Variants in CFH observed in about 807,000 individuals in gnomAD.
The protein encoded by CFH is complement factor H.
A neutral mutation model predicts 147.3 loss-of-function variants in CFH; 53 were observed. That is an observed-to-expected ratio of 0.36 (90% CI 0.29 to 0.45). The LOEUF (loss-of-function observed/expected upper bound fraction) is 0.45. Ranked by LOEUF, CFH falls within the 20% of genes least tolerant of loss-of-function variation. The probability of loss-of-function intolerance (pLI) is 1.00; values close to 1 mark genes in which losing one functional copy is unlikely to be tolerated. For synonymous variants in CFH, 536 were observed against 489.4 expected, an observed-to-expected ratio of 1.10 and a Z score of -1.26; for missense variants, 1,380 against 1,498.0, an observed-to-expected ratio of 0.92 and a Z score of 1.30.
chr1:196,715,764 G>T lies in CFH; in HGVS notation c.1691G>T (p.Cys564Phe). The T allele has an allele frequency of 1.2e-6, 2 of 1,609,730 alleles. No individual in the cohort carries two copies. The highest frequency in any genetic ancestry group is 1.7e-6 in the Non-Finnish European group (2 of 1,177,140). The change falls in exon 11 of 22, where the codon TGT becomes TTT. Residue 564 changes from cysteine (C) to phenylalanine (F), a missense_variant. Physicochemically the swap from Cys to Phe is radical, Grantham distance 205. Coordinates refer to ENST00000367429, the MANE Select transcript of CFH (RefSeq NM_000186.4). ...AATGGTTGGTCTGATTTACCCATAT[G>T]TTATGGTAAGTACTGGTTTTTCAGA... is the stretch of plus-strand genomic sequence containing the variant. ...GYNGWSDLPI[C>F]YERECELPKI...
intron 7 of CFH, 144 bp from the exon 8 acceptor site, chr1:196,689,276 T>C: frequency 1.4e-6 from 1 of 709,816 alleles, no homozygotes; most frequent in Non-Finnish European, 2.3e-6. Context: ...CTGAGTTCTA[T>C]CATTTGTTTT....
intron 11 of CFH, 68 bp from the exon 12 acceptor site, chr1:196,725,053 C>T (rs1669103258): frequency 3.8e-6 from 5 of 1,329,808 alleles, no homozygotes; most frequent in Non-Finnish European, 5.3e-6. Context: ...TTTATTGTGG[C>T]ATATGTAAAA....
intron 1 of CFH, among the ~76,000 whole-genome samples, chr1:196,670,536 T>C (rs1667242029): frequency 6.6e-6 from 1 of 152,196 alleles, no homozygotes; most frequent in East Asian, 1.9e-4. Context: ...GCATCTGGCA[T>C]TTCCCCTGTT....
chr1:196,671,106 T>G (rs1490628639), intron 1 of CFH, among the ~76,000 whole-genome samples: 1 of 152,148 alleles, frequency 6.6e-6, no homozygotes, highest in Non-Finnish European at 1.5e-5. Flanking sequence ...TCTGACAAGT[T>G]GTTATTTCTG....
At chr1:196,666,729 G>C (rs147870758) in intron 1 of CFH, among the ~76,000 whole-genome samples, 1 of 150,604 alleles carries the variant, frequency 6.6e-6, no homozygotes, top group Non-Finnish European at 1.5e-5. Context: ...GGAGAATGGC[G>C]TGAACCCAGG....
At chr1:196,740,445 A>G (rs1652771864) in intron 17 of CFH, among the ~76,000 whole-genome samples, 174 bp from the exon 18 acceptor site, 1 of 152,182 alleles carries the variant, frequency 6.6e-6, no homozygotes, top group African/African-American at 2.4e-5. Flanking sequence ...TGACAGTCCG[A>G]TAGACAGACA....
intron 9 of CFH, among the ~76,000 whole-genome samples, chr1:196,692,779 T>TC (rs1668097158): frequency 2.8e-5 from 3 of 105,318 alleles, no homozygotes; most frequent in African/African-American, 1.2e-4. Flanking sequence ...TCTTTCTTTC[T>TC]TTCTTTCTTT....
In CFH at chr1:196,679,743, G is replaced by A; in HGVS notation, c.740G>A (p.Gly247Glu). The A allele has an allele frequency of 6.2e-7, 1 of 1,611,818 alleles. No individual in the cohort carries two copies. Among genetic ancestry groups the A allele is most frequent in the Non-Finnish European group, 8.5e-7 (1 of 1,178,524 alleles). The change falls in exon 6 of 22, where the codon GGA becomes GAA. Residue 247 changes from glycine to glutamate, a missense_variant. Around this residue, in one of 4 missense-constraint regions of CFH, gnomAD observed 167 missense variants for 228.0 expected, o/e 0.73. Transcript: ENST00000367429. The stretch of plus-strand genomic sequence containing the variant: ...ATGGGTTATGAATACAGTGAAAGAG[G>A]AGATGCTGTATGCACTGAATCTGGA... ...CNMGYEYSER[G>E]DAVCTESGWR...
rs746858289 is a variant in CFH, at chr1:196,673,945, G to T, written c.333G>T (p.Val111=). ...GNVFEYGVKA[V]YTCNEGYQLL... is the part of the protein sequence containing the mutation. ...TGTTTGAATATGGTGTAAAAGCTGT[G>T]TATACATGTAATGAGGGGTATGTAG... is the stretch of plus-strand genomic sequence containing the variant. The change falls in exon 3 of 22, where the codon GTG becomes GTT. Residue 111 remains valine, a synonymous_variant. Coordinates refer to ENST00000367429, the MANE Select transcript of CFH (RefSeq NM_000186.4). The T allele has an allele frequency of 1.9e-6, 3 of 1,611,082 alleles. No homozygotes were observed. The highest frequency in any genetic ancestry group is 2.5e-6 in the Non-Finnish European group (3 of 1,177,654).
chr1:196,683,704 C>T (rs16840422), intron 6 of CFH, among the ~76,000 whole-genome samples: 32,707 of 151,626 alleles, frequency 0.22, 4,697 homozygotes, highest in African/African-American at 0.4. Flanking sequence ...CACTTTACCA[C>T]TGAAGACTAA....
At chr1:196,743,382 T>G in intron 19 of CFH, 70 bp from the exon 20 acceptor site, 1 of 1,582,606 alleles carries the variant, frequency 6.3e-7, no homozygotes, top group Non-Finnish European at 8.7e-7. Context: ...AATATATTTG[T>G]AACTGTTATC....
chr1:196,702,758 A>G (rs1003259672), intron 9 of CFH, among the ~76,000 whole-genome samples: 1 of 152,242 alleles, frequency 6.6e-6, no homozygotes, highest in East Asian at 1.9e-4. Context: ...CTGACCTGGG[A>G]TGGAATATAA....
chr1:196,702,866 G>A (rs1668494849), intron 9 of CFH, among the ~76,000 whole-genome samples: 1 of 152,050 alleles, frequency 6.6e-6, no homozygotes, highest in Non-Finnish European at 1.5e-5. Context: ...GTAAGGTCCA[G>A]GATGGTCAAG....
intron 9 of CFH, among the ~76,000 whole-genome samples, chr1:196,708,521 C>G (rs1187408811): frequency 6.6e-6 from 1 of 151,994 alleles, no homozygotes; most frequent in Non-Finnish European, 1.5e-5. Flanking sequence ...CTTACTATGC[C>G]AAAAATATTT....
chr1:196,696,737 C>T lies in CFH; in HGVS notation c.1336+6498C>T, dbSNP rs935468171. Among the ~76,000 whole-genome samples, 12 of 152,182 alleles carry T rather than the reference C, an allele frequency of 7.9e-5. No individual in the cohort carries two copies. The South Asian group carries it at 2.3e-3, about 29-fold the overall frequency. ...AAAGAACAAAGCTGGAGGCATCATG[C>T]TACCTGACTTCAAACTATACTACAA... On this transcript the variant is annotated intron_variant, in intron 9 of 21. Coordinates refer to ENST00000367429, the MANE Select transcript of CFH (RefSeq NM_000186.4).
At chr1:196,665,046 C>T (rs181620765) in intron 1 of CFH, among the ~76,000 whole-genome samples, 6 of 151,440 alleles carry the variant, frequency 4.0e-5, no homozygotes, top group Admixed American at 2.0e-4. Context: ...TAAAATTGGT[C>T]AAAAAATAAT....
chr1:196,707,412 G>A (rs1558170350), intron 9 of CFH, among the ~76,000 whole-genome samples: 2 of 152,106 alleles, frequency 1.3e-5, no homozygotes, highest in African/African-American at 2.4e-5. Context: ...TACTATTCAC[G>A]AGTTTGTGGT....
At chr1:196,696,373 T>G (rs563503195) in intron 9 of CFH, among the ~76,000 whole-genome samples, 1 of 152,024 alleles carries the variant, frequency 6.6e-6, no homozygotes, top group Non-Finnish European at 1.5e-5. Context: ...GAGTAAATAT[T>G]GAAAGTAAGG....
chr1:196,742,025 G>C lies in CFH; in HGVS notation c.3107G>C (p.Arg1036Thr), dbSNP rs1160757371. The C allele has an allele frequency of 6.2e-7, 1 of 1,614,160 alleles. No homozygotes were observed. The highest frequency in any genetic ancestry group is 8.5e-7 in the Non-Finnish European group (1 of 1,180,028). ...GASNVTCINS[R>T]WTGRPTCRDT... ...AGTAATGTAACATGCATTAATAGCAGATGGACAGGAAGGCCAACATGCAGA... is the reference window on the plus strand; with the variant it reads ...AGTAATGTAACATGCATTAATAGCACATGGACAGGAAGGCCAACATGCAGA... The change falls in exon 19 of 22, where the codon AGA (arginine) becomes ACA (threonine). Residue 1036 changes from arginine to threonine, a missense_variant. Around this residue, in one of 4 missense-constraint regions of CFH, gnomAD observed 830 missense variants for 821.4 expected, o/e 1.01. Coordinates refer to ENST00000367429, the MANE Select transcript of CFH (RefSeq NM_000186.4).
Sources: gnomAD v4.1 joint callset for allele counts (sites outside exome capture counted in the v4.1 genomes callset) on GRCh38, gnomAD v4.1.1 for gene constraint, gnomAD v4.1.1 regional missense constraint, MANE v1.5 for transcripts, NCBI Gene and HGNC (gene_info 2026-07-23, HGNC 2026-07-21) for gene names.